Variants in MED16 observed in about 807,000 individuals in gnomAD.
The protein encoded by MED16 is mediator complex subunit 16.
A neutral mutation model predicts 84.4 loss-of-function variants in MED16; 81 were observed. The observed-to-expected ratio is 0.96, with a 90% CI of 0.80 to 1.15. The LOEUF (loss-of-function observed/expected upper bound fraction) is 1.15. Among genes scored for constraint, MED16 ranks in the 50% most tolerant of loss-of-function variants. The pLI, the probability that MED16 is intolerant of heterozygous loss-of-function variation, is 0.00. For missense variants in MED16, 1,585 were observed against 1,245.9 expected (o/e 1.27, Z -4.10); for synonymous variants, 897 against 552.2 (o/e 1.62, Z -8.76).
At position 877,217 on chromosome 19, in the gene MED16, T is replaced by A. The variant is rs1185081058; in HGVS notation, c.1354-37A>T. ...AGAGCCCAAGGAGAGCCCGGTGAGATGGGGCTGCGCCCTCAGCCGGGAGAG... is the reference window on the plus strand; with the variant it reads ...AGAGCCCAAGGAGAGCCCGGTGAGAAGGGGCTGCGCCCTCAGCCGGGAGAG... On this transcript the variant is annotated intron_variant, in intron 8 of 15. Coordinates refer to ENST00000325464, the MANE Select transcript of MED16 (RefSeq NM_005481.3). 1.9e-6 allele frequency: 3 copies of A among 1,574,958 alleles called. No individual in the cohort carries two copies. The African/African-American group carries it at 4.0e-5, about 21-fold the overall frequency.
intron 6 of MED16, among the ~76,000 whole-genome samples, chr19:882,837 C>T (rs1046757626): frequency 5.9e-5 from 9 of 152,206 alleles, no homozygotes; most frequent in African/African-American, 1.2e-4. Flanking sequence ...CTGCCCCGGA[C>T]GGGCCATCAC....
At chr19:886,538 C>T (rs760376011) in intron 4 of MED16, among the ~76,000 whole-genome samples, 7 of 152,198 alleles carry the variant, frequency 4.6e-5, no homozygotes, top group South Asian at 2.1e-4. Context: ...CCTGTTGCAA[C>T]GACTTGGCTC....
At chr19:889,916 C>G in intron 3 of MED16, 109 bp from the exon 4 acceptor site, 1 of 1,340,214 alleles carries the variant, frequency 7.5e-7, no homozygotes, top group South Asian at 1.4e-5. Flanking sequence ...GGTCTCGGCC[C>G]AGGTAGGGCA....
At chr19:870,978 G>A (rs1004689487) in intron 13 of MED16, 59 bp downstream of exon 13, 88 of 1,430,558 alleles carry the variant, frequency 6.2e-5, no homozygotes, top group Middle Eastern at 2.5e-4. Flanking sequence ...CGGGGGTCCC[G>A]GGGCAGGACA....
intron 4 of MED16, among the ~76,000 whole-genome samples, chr19:886,648 G>A (rs2036533046): frequency 6.6e-6 from 1 of 152,254 alleles, no homozygotes; most frequent in Non-Finnish European, 1.5e-5. Context: ...GTGCAGACCT[G>A]AGCTATAGCA....
chr19:879,619 A>G (rs1317025719), intron 8 of MED16, among the ~76,000 whole-genome samples: 862 of 13,414 alleles, frequency 0.064, 1 homozygote, highest in South Asian at 0.11. Context: ...ATGCCCCCCA[A>G]GCCCAGCCCC....
intron 5 of MED16, among the ~76,000 whole-genome samples, chr19:885,411 C>T (rs1268084290): frequency 6.6e-6 from 1 of 151,958 alleles, no homozygotes; most frequent in Non-Finnish European, 1.5e-5. Flanking sequence ...AAGGGACCTG[C>T]GGGTGGGATT....
chr19:887,085 C>CAA (rs796460298), intron 4 of MED16, among the ~76,000 whole-genome samples: 1 of 125,926 alleles, frequency 7.9e-6, no homozygotes, highest in African/African-American at 3.0e-5. Flanking sequence ...GTCTCAAAAA[C>CAA]AAAAAAAAAA....
intron 5 of MED16, among the ~76,000 whole-genome samples, chr19:885,220 C>G (rs2036501621): frequency 6.6e-6 from 1 of 152,180 alleles, no homozygotes; most frequent in Non-Finnish European, 1.5e-5. Flanking sequence ...GGATGGTGCC[C>G]TCCCACAGGG....
At chr19:881,951 A>G (rs1166550438) in intron 6 of MED16, among the ~76,000 whole-genome samples, 5 of 152,184 alleles carry the variant, frequency 3.3e-5, no homozygotes. Context: ...ATTTCATGGA[A>G]ACCTGTGGGC....
intron 9 of MED16, among the ~76,000 whole-genome samples, chr19:876,526 T>A (rs1027309231): frequency 1.3e-5 from 2 of 152,206 alleles, no homozygotes; most frequent in African/African-American, 4.8e-5. Flanking sequence ...AGGCCTTACC[T>A]GTGGGGCTTA....
At chr19:873,244 G>C (rs537363090) in intron 11 of MED16, among the ~76,000 whole-genome samples, 2 of 144,126 alleles carry the variant, frequency 1.4e-5, no homozygotes, top group Non-Finnish European at 3.0e-5. Flanking sequence ...CTCCAAGTAG[G>C]GGTGGGACTC....
At chr19:888,609 G>T (rs1223231159) in intron 4 of MED16, among the ~76,000 whole-genome samples, 2 of 151,984 alleles carry the variant, frequency 1.3e-5, no homozygotes, top group Non-Finnish European at 2.9e-5. Flanking sequence ...GAAACCTCTG[G>T]ACCGTGTGGG....
chr19:882,559 C>T (rs968687559), intron 6 of MED16, among the ~76,000 whole-genome samples: 1 of 152,124 alleles, frequency 6.6e-6, no homozygotes, highest in Non-Finnish European at 1.5e-5. Context: ...CCAGAGAGCA[C>T]GTGTGGGGGG....
chr19:884,450 C>T (rs1430102046), intron 6 of MED16, among the ~76,000 whole-genome samples: 6 of 152,110 alleles, frequency 3.9e-5, no homozygotes, highest in Admixed American at 3.9e-4. Flanking sequence ...TCTCAGCAGC[C>T]TCAGCTGACC....
In MED16 at chr19:884,943, T is replaced by C. The variant is rs937014244; in HGVS notation, c.945A>G (p.Gly315=). ...IVECWSLRKE[G]LPVNNIFQQI... is the part of the protein sequence containing the mutation. Reference sequence around the variant, plus strand: ...GCTGGAAGATGTTGTTCACGGGGAGTCCCTCCTTGCGCAGGGACCAGCACT... The same window carrying C: ...GCTGGAAGATGTTGTTCACGGGGAGCCCCTCCTTGCGCAGGGACCAGCACT... Residue 315 remains glycine (G), a synonymous_variant, in exon 6 of 16, where the codon GGA becomes GGG. Transcript: ENST00000325464. 1.2e-6 allele frequency: 2 copies of C among 1,609,128 alleles called. No individual in the cohort carries two copies. The highest frequency in any genetic ancestry group is 2.7e-5 in the African/African-American group (2 of 74,738).
chr19:882,420 A>T (rs749664534), intron 6 of MED16, among the ~76,000 whole-genome samples: 3 of 152,198 alleles, frequency 2.0e-5, no homozygotes, highest in Non-Finnish European at 4.4e-5. Context: ...CCAGCTACTC[A>T]GGAGGCTGAG....
At chr19:880,935 AG>A (rs973666373) in intron 7 of MED16, among the ~76,000 whole-genome samples, 3 of 151,600 alleles carry the variant, frequency 2.0e-5, no homozygotes, top group Non-Finnish European at 4.4e-5. Flanking sequence ...AAAAAAAAAA[AG>A]AAAAAAAAAA....
intron 7 of MED16, 95 bp downstream of exon 7, chr19:881,464 G>A (rs1323330124): frequency 7.0e-7 from 1 of 1,426,858 alleles, no homozygotes; most frequent in Admixed American, 2.1e-5. Context: ...CACGTCCTCT[G>A]GTGTGAGCTC....
Sources: gnomAD v4.1 joint callset for allele counts (sites outside exome capture counted in the v4.1 genomes callset) on GRCh38, gnomAD v4.1.1 for gene constraint, MANE v1.5 for transcripts, NCBI Gene and HGNC (gene_info 2026-07-23, HGNC 2026-07-21) for gene names.